Variants in PALM2AKAP2 observed in about 807,000 individuals in gnomAD.
The protein encoded by PALM2AKAP2 is PALM2-AKAP2 fusion protein.
Under a neutral mutation model 71.5 loss-of-function variants are expected in PALM2AKAP2, and 37 were observed. That is an observed-to-expected ratio of 0.52 (90% CI 0.40 to 0.68). PALM2AKAP2 has a LOEUF of 0.68. Among genes scored for constraint, PALM2AKAP2 ranks in the 30% least tolerant of loss-of-function variants. The pLI, the probability that PALM2AKAP2 is intolerant of heterozygous loss-of-function variation, is 0.00. For synonymous variants in PALM2AKAP2, 468 were observed against 478.8 expected, an observed-to-expected ratio of 0.98 and a Z score of 0.29; for missense variants, 1,224 against 1,191.8, an observed-to-expected ratio of 1.03 and a Z score of -0.40.
At chr9:109,775,586 C>T (rs1829338290), upstream of PALM2AKAP2, among the ~76,000 whole-genome samples, 1 of 152,206 alleles carries the variant, frequency 6.6e-6, no homozygotes. Flanking sequence ...CATTTATTTT[C>T]AAAAGATCCC....
At chr9:109,866,545 T>C (rs1019946835) in intron 1 of PALM2AKAP2, among the ~76,000 whole-genome samples, 2 of 152,124 alleles carry the variant, frequency 1.3e-5, no homozygotes, top group African/African-American at 4.8e-5. Flanking sequence ...TACACTCTAA[T>C]GGAAAGGTTA....
chr9:109,978,047 G>C (rs1382098471), intron 6 of PALM2AKAP2, among the ~76,000 whole-genome samples: 1 of 152,182 alleles, frequency 6.6e-6, no homozygotes, highest in African/African-American at 2.4e-5. Flanking sequence ...GTCAGAGTGA[G>C]TGAAGGAGCA....
chr9:110,114,846 C>T (rs961120659), intron 1 of PALM2AKAP2, among the ~76,000 whole-genome samples: 1 of 152,206 alleles, frequency 6.6e-6, no homozygotes, highest in Non-Finnish European at 1.5e-5. Flanking sequence ...TATTGGCTCT[C>T]AACCATCCGG....
intron 1 of PALM2AKAP2, among the ~76,000 whole-genome samples, chr9:110,097,660 G>A (rs1346641827): frequency 6.8e-6 from 1 of 146,772 alleles, no homozygotes; most frequent in Non-Finnish European, 1.5e-5. Context: ...GGGCAGAGAT[G>A]CTCCTCACTT....
intron 1 of PALM2AKAP2, among the ~76,000 whole-genome samples, chr9:110,130,870 C>G (rs1296434772): frequency 6.6e-6 from 1 of 152,172 alleles, no homozygotes; most frequent in East Asian, 1.9e-4. Flanking sequence ...ATTTGAACAC[C>G]ACCAATTTCA....
At chr9:109,706,697 T>C (rs979894471) in intron 1 of PALM2AKAP2, among the ~76,000 whole-genome samples, 7 of 152,212 alleles carry the variant, frequency 4.6e-5, no homozygotes, top group Non-Finnish European at 8.8e-5. Flanking sequence ...GAAAATTTGG[T>C]ATGTCCATAA....
intron 3 of PALM2AKAP2, among the ~76,000 whole-genome samples, chr9:109,884,572 T>C (rs1829925573): frequency 6.6e-6 from 1 of 152,160 alleles, no homozygotes; most frequent in Non-Finnish European, 1.5e-5. Flanking sequence ...AAATTTGCGA[T>C]CTGATCTTTA....
intron 1 of PALM2AKAP2, among the ~76,000 whole-genome samples, chr9:109,701,568 C>T (rs1405132297): frequency 6.6e-6 from 1 of 152,182 alleles, no homozygotes; most frequent in East Asian, 1.9e-4. Context: ...TGGATCCCTT[C>T]CTTACACCTT....
chr9:109,783,265 G>C (rs1048693290), intron 1 of PALM2AKAP2, among the ~76,000 whole-genome samples: 2 of 152,028 alleles, frequency 1.3e-5, no homozygotes, highest in Non-Finnish European at 2.9e-5. Flanking sequence ...CTGTATTGCT[G>C]TCTTGTCCTG....
intron 2 of PALM2AKAP2, among the ~76,000 whole-genome samples, chr9:109,876,484 CTTTCTTTT>C (rs1364996701): frequency 6.6e-6 from 1 of 151,884 alleles, no homozygotes; most frequent in Admixed American, 6.6e-5. Context: ...TTTTTTCTTT[CTTTCTTTT>C]TTTTGAGACA....
intron 7 of PALM2AKAP2, among the ~76,000 whole-genome samples, chr9:110,031,983 C>T (rs1047095070): frequency 2.7e-5 from 4 of 149,458 alleles, no homozygotes; most frequent in Admixed American, 1.3e-4. Flanking sequence ...TTCTCATTAT[C>T]ATTCTCCTGC....
At chr9:109,731,688 A>G (rs991524145) in intron 1 of PALM2AKAP2, among the ~76,000 whole-genome samples, 4 of 152,186 alleles carry the variant, frequency 2.6e-5, no homozygotes, top group African/African-American at 9.7e-5. Flanking sequence ...TTTATAAGTA[A>G]ATAGTATTAT....
chr9:110,113,100 C>T (rs1216753659), intron 1 of PALM2AKAP2, among the ~76,000 whole-genome samples: 1 of 152,202 alleles, frequency 6.6e-6, no homozygotes, highest in Non-Finnish European at 1.5e-5. Flanking sequence ...TGCTTCTGCT[C>T]CAGCTGGGCA....
At chr9:109,662,228 C>A (rs1827409859) in intron 1 of PALM2AKAP2, among the ~76,000 whole-genome samples, 3 of 151,934 alleles carry the variant, frequency 2.0e-5, no homozygotes, top group African/African-American at 7.3e-5. Context: ...TGAGAGAGGG[C>A]ATCCCTGTCT....
exon 4 of PALM2AKAP2, chr9:110,168,786 A>C: frequency 3.1e-6 from 1 of 321,604 alleles, no homozygotes; most frequent in South Asian, 3.7e-5. Flanking sequence ...AAAACATGTT[A>C]CAAGCAAATC....
intron 1 of PALM2AKAP2, among the ~76,000 whole-genome samples, chr9:109,680,545 A>G (rs991098859): frequency 6.6e-6 from 1 of 152,286 alleles, no homozygotes; most frequent in East Asian, 1.9e-4. Context: ...GAGCCTATGG[A>G]CTCCTTGAAT....
intron 3 of PALM2AKAP2, among the ~76,000 whole-genome samples, chr9:109,899,092 AT>A (rs1036555125): frequency 6.6e-6 from 1 of 151,888 alleles, no homozygotes; most frequent in African/African-American, 2.4e-5. Context: ...CTTTGATCTA[AT>A]TTTTTCTCCA....
intron 1 of PALM2AKAP2, among the ~76,000 whole-genome samples, chr9:109,822,204 G>C (rs1193032267): frequency 6.6e-6 from 1 of 152,146 alleles, no homozygotes; most frequent in Non-Finnish European, 1.5e-5. Context: ...CCTAAGGAAA[G>C]CGTCAAAAAG....
At chr9:110,005,619 C>G (rs901055548) in intron 6 of PALM2AKAP2, among the ~76,000 whole-genome samples, 2 of 152,194 alleles carry the variant, frequency 1.3e-5, no homozygotes, top group Non-Finnish European at 2.9e-5. Flanking sequence ...GCCCTGCCCC[C>G]AGAGGTGGAG....
Sources: allele counts gnomAD v4.1 joint callset (sites outside exome capture counted in the v4.1 genomes callset), GRCh38; gene constraint gnomAD v4.1.1; transcripts MANE v1.5; gene names NCBI Gene and HGNC (gene_info 2026-07-23, HGNC 2026-07-21).